The following CSMD1 variants were observed in gnomAD, a reference collection of about 807,000 sequenced individuals.
The protein encoded by CSMD1 is CUB and Sushi multiple domains 1, also known as CUB and sushi domain-containing protein 1.
Under a neutral mutation model 417.5 loss-of-function variants are expected in CSMD1, and 213 were observed. That is an observed-to-expected ratio of 0.51 (90% CI 0.46 to 0.57). The LOEUF (loss-of-function observed/expected upper bound fraction) is 0.57, where lower values mean the gene tolerates loss of function less well. Among genes scored for constraint, CSMD1 ranks in the 20% least tolerant of loss-of-function variants. The pLI, the probability that CSMD1 is intolerant of heterozygous loss-of-function variation, is 0.00. For missense variants in CSMD1, 6,923 were observed against 4,529.7 expected (o/e 1.53, Z -15.17); for synonymous variants, 2,862 against 1,736.8 (o/e 1.65, Z -16.11).
At chr8:4,052,668 T>C (rs951864141) in intron 3 of CSMD1, among the ~76,000 whole-genome samples, 1 of 152,140 alleles carries the variant, frequency 6.6e-6, no homozygotes. Flanking sequence ...ATAGAAGGAA[T>C]CATCCCATAA....
At chr8:3,653,578 G>A (rs1374389024) in intron 7 of CSMD1, among the ~76,000 whole-genome samples, 2 of 152,120 alleles carry the variant, frequency 1.3e-5, no homozygotes, top group Non-Finnish European at 2.9e-5. Flanking sequence ...CAAAGTGCTG[G>A]GATTTCAGGT....
intron 1 of CSMD1, among the ~76,000 whole-genome samples, chr8:4,981,305 T>C (rs908951625): frequency 6.6e-6 from 1 of 152,228 alleles, no homozygotes; most frequent in Non-Finnish European, 1.5e-5. Context: ...GGGGCTACAG[T>C]GAAGAAGCCC....
At chr8:3,753,005 C>T (rs1215864710) in intron 6 of CSMD1, among the ~76,000 whole-genome samples, 4 of 152,176 alleles carry the variant, frequency 2.6e-5, no homozygotes, top group African/African-American at 4.8e-5. Context: ...TTCTGACTTT[C>T]ATGGGAGGTA....
chr8:3,879,719 C>G (rs1806076088), intron 5 of CSMD1, among the ~76,000 whole-genome samples: 1 of 146,394 alleles, frequency 6.8e-6, no homozygotes, highest in Non-Finnish European at 1.5e-5. Flanking sequence ...AACTCCTAAC[C>G]TACATAGAAA....
At position 4,629,890 on chromosome 8, in the gene CSMD1, C is replaced by T. The variant is rs552915380; in HGVS notation, c.302+7452G>A. Among the ~76,000 whole-genome samples the T allele has an allele frequency of 2.2e-4, 33 of 152,208 alleles. No individual in the cohort carries two copies. In the South Asian group the frequency reaches 6.6e-3, roughly 31 times the overall value. Reference sequence around the variant, plus strand: ...TGTTCCCTTTGTGTAAATCTGAATGCTTTTCCTTAGGCTTTAACTTTCTAA... The same window carrying T: ...TGTTCCCTTTGTGTAAATCTGAATGTTTTTCCTTAGGCTTTAACTTTCTAA... On this transcript the variant is annotated intron_variant, in intron 2 of 69. Transcript: ENST00000635120.
intron 12 of CSMD1, among the ~76,000 whole-genome samples, chr8:3,413,391 C>A (rs952712653): frequency 2.0e-5 from 3 of 152,094 alleles, no homozygotes; most frequent in Non-Finnish European, 4.4e-5. Flanking sequence ...TTAGCTGATC[C>A]CACCAAAGAG....
chr8:4,147,518 G>C (rs746295348), intron 3 of CSMD1, among the ~76,000 whole-genome samples: 11 of 152,074 alleles, frequency 7.2e-5, no homozygotes, highest in Non-Finnish European at 1.5e-4. Context: ...GTCTCCATTA[G>C]AGCCCTCCTC....
chr8:3,242,262 G>A (rs1421041548), intron 26 of CSMD1, among the ~76,000 whole-genome samples: 1 of 151,586 alleles, frequency 6.6e-6, no homozygotes, highest in Middle Eastern at 3.2e-3. Flanking sequence ...CGGAGGCTGA[G>A]GAAGATTTGG....
chr8:4,158,255 G>A (rs999468799), intron 3 of CSMD1, among the ~76,000 whole-genome samples: 2 of 151,948 alleles, frequency 1.3e-5, no homozygotes, highest in East Asian at 1.9e-4. Flanking sequence ...CCCCATGCCA[G>A]CTCTGCAGAC....
At chr8:3,714,605 C>T (rs115181652) in intron 6 of CSMD1, among the ~76,000 whole-genome samples, 2,866 of 140,192 alleles carry the variant, frequency 0.02, 83 homozygotes, top group African/African-American at 0.072. Context: ...GGCATGGTGG[C>T]GGGCGACTGT....
chr8:3,359,336 A>G lies in CSMD1; in HGVS notation c.3120T>C (p.Tyr1040=). 2 of 1,613,374 alleles carry G rather than the reference A, an allele frequency of 1.2e-6. No homozygotes were observed. Among genetic ancestry groups the G allele is most frequent in the Non-Finnish European group, 1.7e-6 (2 of 1,179,512 alleles). Residue 1040 remains tyrosine, a synonymous_variant, in exon 21 of 70, where the codon TAT becomes TAC. Coordinates refer to ENST00000635120, the MANE Select transcript of CSMD1 (RefSeq NM_033225.6). ...CAGGATCATCACATGGCTCCAGGTCATATTCTGAGGCATGCAGAGACAGAG... is the reference window on the plus strand; with the variant it reads ...CAGGATCATCACATGGCTCCAGGTCGTATTCTGAGGCATGCAGAGACAGAG... The part of the protein sequence containing the change: ...YEGFNITFSE[Y]DLEPCDDPGV...
chr8:3,989,867 A>C (rs1431786036), intron 5 of CSMD1, among the ~76,000 whole-genome samples: 1 of 152,194 alleles, frequency 6.6e-6, no homozygotes, highest in Non-Finnish European at 1.5e-5. Context: ...AGGATTGCAC[A>C]AAATTACCTT....
intron 3 of CSMD1, among the ~76,000 whole-genome samples, chr8:4,171,824 C>T (rs1797779180): frequency 6.6e-6 from 1 of 151,960 alleles, no homozygotes; most frequent in Non-Finnish European, 1.5e-5. Flanking sequence ...CATCTAAATC[C>T]CAGTTTAATA....
At chr8:4,501,736 C>G (rs1194970203) in intron 2 of CSMD1, among the ~76,000 whole-genome samples, 1 of 152,140 alleles carries the variant, frequency 6.6e-6, no homozygotes, top group Non-Finnish European at 1.5e-5. Context: ...TATGGCTTTT[C>G]AGACTCATGG....
chr8:4,337,026 T>C (rs1391887141), intron 3 of CSMD1, among the ~76,000 whole-genome samples: 1 of 152,130 alleles, frequency 6.6e-6, no homozygotes, highest in South Asian at 2.1e-4. Context: ...AAATCTGCAA[T>C]TATAAACTGA....
intron 6 of CSMD1, among the ~76,000 whole-genome samples, chr8:3,726,795 A>C (rs1035581082): frequency 2.0e-5 from 3 of 152,184 alleles, no homozygotes; most frequent in African/African-American, 7.2e-5. Context: ...GATGGAAATG[A>C]GTTGTGCAAA....
intron 2 of CSMD1, among the ~76,000 whole-genome samples, chr8:4,560,645 G>C (rs541346991): frequency 1.3e-3 from 202 of 152,276 alleles, no homozygotes; most frequent in Non-Finnish European, 2.3e-3. Flanking sequence ...ACAGTCCTCA[G>C]CAAGACTTCT....
At position 3,935,985 on chromosome 8, in the gene CSMD1, T is replaced by G. The variant is rs773392066; in HGVS notation, c.818+61918A>C. 2.0e-5 allele frequency among the ~76,000 whole-genome samples: 3 copies of G among 152,162 alleles called. No homozygotes were observed. In the East Asian group the frequency reaches 5.8e-4, roughly 29 times the overall value. On this transcript the variant is annotated intron_variant, in intron 5 of 69. Transcript: ENST00000635120. ...AGTTCTTGAAATATAGTAAAAGTGC[T>G]ATTTCAGTGAATGCAAATGATAAGA... is the stretch of plus-strand genomic sequence containing the variant.
intron 5 of CSMD1, among the ~76,000 whole-genome samples, chr8:3,829,613 T>G (rs1235630152): frequency 6.6e-6 from 1 of 152,120 alleles, no homozygotes; most frequent in African/African-American, 2.4e-5. Context: ...TCAGGAGAGC[T>G]GAAGAAAAAG....
Sources: gnomAD v4.1 joint callset for allele counts (sites outside exome capture counted in the v4.1 genomes callset) on GRCh38, gnomAD v4.1.1 for gene constraint, MANE v1.5 for transcripts, NCBI Gene and HGNC (gene_info 2026-07-23, HGNC 2026-07-21) for gene names.